Variants in DTNBP1 observed in about 807,000 individuals in gnomAD.
The protein encoded by DTNBP1 is dysbindin.
A neutral mutation model predicts 42.8 loss-of-function variants in DTNBP1; 35 were observed. The observed-to-expected ratio is 0.82, with a 90% confidence interval of 0.63 to 1.09. The LOEUF is 1.09. DTNBP1 is among the 50% of genes least tolerant of loss of function. The pLI is 0.00. For missense variants in DTNBP1, 457 were observed against 424.2 expected (o/e 1.08, Z -0.68); for synonymous variants, 171 against 162.2 (o/e 1.05, Z -0.41).
Position 15,641,930 on chromosome 6 carries a change from C to T in DTNBP1, c.162-4126G>A, listed in dbSNP as rs552918648. Among the ~76,000 whole-genome samples the T allele has an allele frequency of 2.6e-5, 4 of 152,308 alleles. No individual in the cohort carries two copies. The South Asian group carries it at 8.3e-4, about 32-fold the overall frequency. On this transcript the variant is annotated intron_variant, in intron 3 of 9. Coordinates refer to ENST00000344537, the MANE Select transcript of DTNBP1 (RefSeq NM_032122.5). ...ACTGCTACAAGAGGAAGTATCATTACCCAGGAATGGATGTGGGGAAGGGGT... is the reference window on the plus strand; with the variant it reads ...ACTGCTACAAGAGGAAGTATCATTATCCAGGAATGGATGTGGGGAAGGGGT...
rs918477464 is a variant in DTNBP1, at chr6:15,646,260, C to CAT, written c.161+5052_161+5053insAT. ...AGAACTCAATCTCATTTACAATAGA[C>CAT]ACACACACACACACACACACACACA... On this transcript the variant is annotated intron_variant, in intron 3 of 9. Coordinates refer to ENST00000344537, the MANE Select transcript of DTNBP1 (RefSeq NM_032122.5). Among the ~76,000 whole-genome samples, 14 of 20,606 alleles carry CAT rather than the reference C, an allele frequency of 6.8e-4. No homozygotes were observed. The African/African-American group carries it at 7.1e-3, about 11-fold the overall frequency. 13.5% of individuals were successfully genotyped at this position (20,606 alleles called of 152,430 possible).
intron 5 of DTNBP1, among the ~76,000 whole-genome samples, chr6:15,617,508 C>T (rs548434750): frequency 6.6e-6 from 1 of 152,170 alleles, no homozygotes; most frequent in East Asian, 1.9e-4. Flanking sequence ...CAGCATGATG[C>T]TAGCATAAAA....
intron 3 of DTNBP1, among the ~76,000 whole-genome samples, chr6:15,646,724 A>G (rs1346134304): frequency 6.6e-6 from 1 of 152,106 alleles, no homozygotes; most frequent in Non-Finnish European, 1.5e-5. Context: ...ACACAGCTAC[A>G]ACTAACTGAT....
At chr6:15,542,102 T>C (rs1216683837) in intron 7 of DTNBP1, among the ~76,000 whole-genome samples, 2 of 152,198 alleles carry the variant, frequency 1.3e-5, no homozygotes, top group Non-Finnish European at 2.9e-5. Context: ...CTTTAAAAAC[T>C]AACTTCAATA....
At chr6:15,555,510 C>T (rs1246317826) in intron 7 of DTNBP1, among the ~76,000 whole-genome samples, 1 of 152,152 alleles carries the variant, frequency 6.6e-6, no homozygotes, top group East Asian at 1.9e-4. Context: ...CAAAACCCAC[C>T]AAATCCAAGA....
At chr6:15,657,634 A>T (rs1388167530) in intron 1 of DTNBP1, among the ~76,000 whole-genome samples, 2 of 152,194 alleles carry the variant, frequency 1.3e-5, no homozygotes, top group Non-Finnish European at 1.5e-5. Flanking sequence ...ATTTTTAGCC[A>T]CAGAACTTAT....
intron 9 of DTNBP1, chr6:15,524,220 A>G (rs777409874): frequency 6.5e-7 from 1 of 1,534,450 alleles, no homozygotes; most frequent in Non-Finnish European, 8.8e-7. Flanking sequence ...GTCCTTAACC[A>G]CAAGGAGCAG....
At chr6:15,563,571 TTTTG>T (rs1469461590) in intron 7 of DTNBP1, among the ~76,000 whole-genome samples, 6 of 152,216 alleles carry the variant, frequency 3.9e-5, no homozygotes, top group Admixed American at 3.9e-4. Flanking sequence ...ATCATAAGGC[TTTTG>T]TTTAAGAATT....
intron 4 of DTNBP1, among the ~76,000 whole-genome samples, chr6:15,630,524 G>T (rs1400495691): frequency 6.6e-6 from 1 of 152,142 alleles, no homozygotes; most frequent in African/African-American, 2.4e-5. Flanking sequence ...TCTAACTTTA[G>T]AAAACTGCCC....
chr6:15,608,427 T>C (rs547337893), intron 6 of DTNBP1, among the ~76,000 whole-genome samples: 26 of 152,252 alleles, frequency 1.7e-4, no homozygotes, highest in Non-Finnish European at 2.6e-4. Flanking sequence ...GCTTCATTTT[T>C]TCCCCCTTGG....
intron 7 of DTNBP1, among the ~76,000 whole-genome samples, chr6:15,568,473 C>T (rs1775195749): frequency 6.6e-6 from 1 of 152,182 alleles, no homozygotes. Context: ...CGGACACAAA[C>T]TTTGTCATGG....
intron 7 of DTNBP1, among the ~76,000 whole-genome samples, chr6:15,566,172 G>A (rs1253361922): frequency 3.3e-5 from 5 of 151,864 alleles, no homozygotes; most frequent in Non-Finnish European, 4.4e-5. Context: ...AAAATTAGCC[G>A]GGCGTAGTGG....
At chr6:15,580,167 A>C (rs2619529) in intron 7 of DTNBP1, among the ~76,000 whole-genome samples, 18,900 of 152,212 alleles carry the variant, frequency 0.12, 1,469 homozygotes, top group African/African-American at 0.22. Flanking sequence ...AAGCAGCCAG[A>C]AGCAAAAACA....
rs775419792 is a variant in DTNBP1, at chr6:15,627,486, CAAG to C, written c.223-14_223-12del. 2 of 1,613,702 alleles carry C rather than the reference CAAG, an allele frequency of 1.2e-6. No individual in the cohort carries two copies. The highest frequency in any genetic ancestry group is 1.1e-5 in the South Asian group (1 of 91,078). On this transcript the variant is annotated splice_polypyrimidine_tract_variant and intron_variant, in intron 4 of 9. Transcript: ENST00000344537. ...CTCGCTATCCACCAGCTGCAGCACACAAGAAGGGGGGTAAAGTGAAACCAGGTT... is the reference window on the plus strand; with the variant it reads ...CTCGCTATCCACCAGCTGCAGCACACAAGGGGGGTAAAGTGAAACCAGGTT...
chr6:15,638,693 T>A (rs907799898), intron 3 of DTNBP1, among the ~76,000 whole-genome samples: 1 of 152,176 alleles, frequency 6.6e-6, no homozygotes, highest in Non-Finnish European at 1.5e-5. Context: ...CACATCAACA[T>A]TATGTGCCTC....
At chr6:15,555,062 ACCT>A (rs1022261781) in intron 7 of DTNBP1, among the ~76,000 whole-genome samples, 25 of 150,630 alleles carry the variant, frequency 1.7e-4, no homozygotes, top group African/African-American at 5.9e-4. Flanking sequence ...GGCATGTCTG[ACCT>A]CCTATCCCAT....
At chr6:15,660,350 A>T in intron 1 of DTNBP1, 2 of 1,289,752 alleles carry the variant, frequency 1.6e-6, no homozygotes, top group Non-Finnish European at 2.0e-6. Context: ...GGAAAAGTTT[A>T]ACCGAACAGC....
chr6:15,524,945 C>T lies in DTNBP1; in HGVS notation c.668-276G>A, dbSNP rs17470615. 0.015 allele frequency among the ~76,000 whole-genome samples: 2,287 copies of T among 152,356 alleles called. 19 individuals carry two copies. The highest frequency in any genetic ancestry group is 0.041 in the Middle Eastern group (12 of 294). On this transcript the variant is annotated intron_variant, in intron 8 of 9. Transcript: ENST00000344537. ...ACTAATCTCTGCATTAAGTGAGTCCCGGCTGTTTTGAGTAGGACGCTCAGC... is the reference window on the plus strand; with the variant it reads ...ACTAATCTCTGCATTAAGTGAGTCCTGGCTGTTTTGAGTAGGACGCTCAGC...
rs1772022820 is a variant in DTNBP1 at position 15,523,112 on chromosome 6, T to A, written c.919A>T (p.Thr307Ser). 1 of 1,614,148 alleles carries A rather than the reference T, an allele frequency of 6.2e-7. No individual in the cohort carries two copies. Among genetic ancestry groups the A allele is most frequent in the African/African-American group, 1.3e-5 (1 of 75,040 alleles). ...SSSSTCTDSA[T>S]RDISEGGESP... ...TCCCCACCCTCACTGATGTCCCGGGTGGCCGAGTCGGTGCAGGTGGAGGAA... is the reference window on the plus strand; with the variant it reads ...TCCCCACCCTCACTGATGTCCCGGGAGGCCGAGTCGGTGCAGGTGGAGGAA... The change falls in exon 10 of 10, where the codon ACC becomes TCC. Residue 307 changes from threonine to serine, a missense_variant. By Grantham distance (58) the Thr-to-Ser change is moderately conservative. Coordinates refer to ENST00000344537, the MANE Select transcript of DTNBP1 (RefSeq NM_032122.5).
Sources: allele counts gnomAD v4.1 joint callset (sites outside exome capture counted in the v4.1 genomes callset), GRCh38; gene constraint gnomAD v4.1.1; transcripts MANE v1.5; gene names NCBI Gene and HGNC (gene_info 2026-07-23, HGNC 2026-07-21).